The following TTC38 variants were observed in gnomAD, a reference collection of about 807,000 sequenced individuals.
The protein encoded by TTC38 is tetratricopeptide repeat domain 38.
TTC38 carries 64 observed loss-of-function variants against 64.2 expected under a neutral mutation model. The observed-to-expected ratio is 1.00, with a 90% CI of 0.81 to 1.23. The LOEUF is 1.23. TTC38 is among the 50% of genes most tolerant of loss of function. The pLI is 0.00. For missense variants in TTC38, 573 were observed against 615.5 expected (o/e 0.93, Z 0.73); for synonymous variants, 254 against 249.3 (o/e 1.02, Z -0.18).
chr22:46,290,483 C>T (rs1013673965), intron 13 of TTC38, among the ~76,000 whole-genome samples: 1 of 151,180 alleles, frequency 6.6e-6, no homozygotes, highest in African/African-American at 2.5e-5. Flanking sequence ...GGTGGCGTGG[C>T]TGGAGGGTGA....
intron 11 of TTC38, 38 bp downstream of exon 11, chr22:46,288,626 C>G (rs2077589120): frequency 6.2e-7 from 1 of 1,601,840 alleles, no homozygotes; most frequent in African/African-American, 1.3e-5. Flanking sequence ...GGGTCCTCAC[C>G]CTGCCGAGAG....
chr22:46,286,014 C>CGAAAAAAA (rs2077569243), intron 9 of TTC38, among the ~76,000 whole-genome samples: 1 of 73,986 alleles, frequency 1.4e-5, no homozygotes, highest in African/African-American at 5.5e-5. Context: ...GACTCTGTCT[C>CGAAAAAAA]AAAAAAAAAA....
chr22:46,289,349 C>A, intron 11 of TTC38, 53 bp from the exon 12 acceptor site: 1 of 1,582,056 alleles, frequency 6.3e-7, no homozygotes, highest in Non-Finnish European at 8.6e-7. Flanking sequence ...CTCTGCCCTT[C>A]CCGGATGTTC....
chr22:46,289,630 CAA>C, intron 12 of TTC38, 69 bp downstream of exon 12: 1 of 1,526,604 alleles, frequency 6.6e-7, no homozygotes. Context: ...CCGCAGCCCC[CAA>C]GTTTCTCCCA....
At chr22:46,279,999 A>G (rs2147793032) in intron 6 of TTC38, 3 of 400,322 alleles carry the variant, frequency 7.5e-6, no homozygotes, top group East Asian at 7.5e-5. Flanking sequence ...TGCAAGGAGC[A>G]AGAAGTGGTG....
rs929362617 is a variant in TTC38 at position 46,282,313 on chromosome 22, T to C, written c.735+595T>C. ...CGGACATGGGCTGTGCAGGAGGCCT[T>C]GTCAGTCCCTCTTTCCAGGGGAGGC... On this transcript the variant is annotated intron_variant, in intron 7 of 13. Transcript: ENST00000381031. This position sits in a 1 kb window ranked among gnomAD's most constrained non-coding sequence, Gnocchi z 4.4. 1.2e-4 allele frequency among the ~76,000 whole-genome samples: 19 copies of C among 152,154 alleles called. No homozygotes were observed. The highest frequency in any genetic ancestry group is 4.6e-4 in the African/African-American group (19 of 41,432).
At position 46,270,250 on chromosome 22, in the gene TTC38, A is replaced by T. The variant is rs1194763594; in HGVS notation, c.111+1659A>T. ...TGCCAACCCTCCTGTATCTTGTCAAAATGCTTGCGTAGCTTATAGTCTCAG... is the reference window on the plus strand; with the variant it reads ...TGCCAACCCTCCTGTATCTTGTCAATATGCTTGCGTAGCTTATAGTCTCAG... On this transcript the variant is annotated intron_variant, in intron 2 of 13. Coordinates refer to ENST00000381031, the MANE Select transcript of TTC38 (RefSeq NM_017931.4). The surrounding 1 kb of genome is among the most constrained non-coding windows in gnomAD (Gnocchi z 4.7). 6.6e-5 allele frequency among the ~76,000 whole-genome samples: 10 copies of T among 152,084 alleles called. No homozygotes were observed. Among genetic ancestry groups the T allele is most frequent in the African/African-American group, 2.4e-4 (10 of 41,400 alleles).
In TTC38 at chr22:46,275,607, G is replaced by A. The variant is rs1248584937; in HGVS notation, c.539+186G>A. ...TTTCATCCCACCTGTGAATGAGGTA[G>A]TACCATTATGTATCAGTCAGCATGG... is the stretch of plus-strand genomic sequence containing the variant. On this transcript the variant is annotated intron_variant, in intron 5 of 13. Transcript: ENST00000381031. The surrounding 1 kb of genome is among the most constrained non-coding windows in gnomAD (Gnocchi z 4.5). Among the ~76,000 whole-genome samples, 6 of 152,196 alleles carry A rather than the reference G, an allele frequency of 3.9e-5. No individual in the cohort carries two copies. The East Asian group carries it at 1.2e-3, about 29-fold the overall frequency.
chr22:46,275,445 T>G lies in TTC38; in HGVS notation c.539+24T>G, dbSNP rs771021393. On this transcript the variant is annotated intron_variant, in intron 5 of 13. Transcript: ENST00000381031. The surrounding 1 kb of genome is among the most constrained non-coding windows in gnomAD (Gnocchi z 4.5). Reference sequence around the variant, plus strand: ...AGGTATGTGCCAGCTGGAAATCACATTATTTCTGTTTCTTAATCTCTCTTT... The same window carrying G: ...AGGTATGTGCCAGCTGGAAATCACAGTATTTCTGTTTCTTAATCTCTCTTT... The G allele has an allele frequency of 1.9e-6, 3 of 1,595,888 alleles. No individual in the cohort carries two copies. Among genetic ancestry groups the G allele is most frequent in the Admixed American group, 1.8e-5 (1 of 56,988 alleles).
At chr22:46,284,907 A>C (rs144479100) in intron 8 of TTC38, among the ~76,000 whole-genome samples, 2 of 151,974 alleles carry the variant, frequency 1.3e-5, no homozygotes, top group Non-Finnish European at 2.9e-5. Flanking sequence ...GGCTAGAAAG[A>C]AATACATGAA....
At position 46,274,401 on chromosome 22, in the gene TTC38, G is replaced by T. The variant is rs1936963721; in HGVS notation, c.365+332G>T. Among the ~76,000 whole-genome samples, 1 of 152,198 alleles carries T rather than the reference G, an allele frequency of 6.6e-6. No homozygotes were observed. The highest frequency in any genetic ancestry group is 2.1e-4 in the South Asian group (1 of 4,832). On this transcript the variant is annotated intron_variant, in intron 4 of 13. Transcript: ENST00000381031. This position sits in a 1 kb window ranked among gnomAD's most constrained non-coding sequence, Gnocchi z 4.8. ...GGTTAGGGAAGAGAGAAGAAAACAT[G>T]CTTCTTCTAGTGAGAAATAAACAAT...
intron 5 of TTC38, among the ~76,000 whole-genome samples, chr22:46,278,329 G>T (rs866001905): frequency 2.0e-5 from 3 of 152,146 alleles, no homozygotes; most frequent in Non-Finnish European, 4.4e-5. Flanking sequence ...CTCTGCCTTG[G>T]TCTTTACCTG....
At position 46,274,149 on chromosome 22, in the gene TTC38, C is replaced by CCCGTCCCAAGGGCA; in HGVS notation, c.365+80_365+81insCCGTCCCAAGGGCA. 1.2e-6 allele frequency: 1 copy of CCCGTCCCAAGGGCA among 835,812 alleles called. No individual in the cohort carries two copies. Among genetic ancestry groups the CCCGTCCCAAGGGCA allele is most frequent in the Non-Finnish European group, 1.8e-6 (1 of 541,464 alleles). The allele number at this position is 835,812 out of a possible 1,614,324, so 51.8% of individuals were successfully genotyped here. On this transcript the variant is annotated intron_variant, in intron 4 of 13. Transcript: ENST00000381031. The surrounding 1 kb of genome is among the most constrained non-coding windows in gnomAD (Gnocchi z 4.8). ...GGCAGGGTATCCCTTTCCTGATGCC[C>CCCGTCCCAAGGGCA]TTGGGACGGGGGCGGGGTGGGAGAA... is the stretch of plus-strand genomic sequence containing the variant.
chr22:46,290,535 G>C (rs2077606931), intron 13 of TTC38, among the ~76,000 whole-genome samples: 1 of 148,006 alleles, frequency 6.8e-6, no homozygotes, highest in Non-Finnish European at 1.5e-5. Flanking sequence ...TGTTAGGGCA[G>C]CGTGGCTGGA....
Position 46,292,829 on chromosome 22 carries a change from C to T in TTC38, c.1355C>T (p.Ser452Leu), listed in dbSNP as rs775541278. The change falls in exon 14 of 14, where the codon TCG becomes TTG. Residue 452 changes from serine to leucine, a missense_variant. This residue lies in a region of TTC38 where 371 missense variants were observed against 381.8 expected (regional missense o/e 0.97). Transcript: ENST00000381031. The surrounding 1 kb of genome is among the most constrained non-coding windows in gnomAD (Gnocchi z 6.5). ...LMERDALKPN[S>L]PLTERLIRKA... is the part of the protein sequence containing the mutation. ...GAGCGTGATGCCTTGAAGCCCAACT[C>T]GCCCCTGACCGAGCGGCTCATCCGC... 14 of 1,614,102 alleles carry T rather than the reference C, an allele frequency of 8.7e-6. No individual in the cohort carries two copies. Among genetic ancestry groups the T allele is most frequent in the African/African-American group, 5.3e-5 (4 of 75,072 alleles).
Position 46,275,368 on chromosome 22 carries a change from A to G in TTC38, c.486A>G (p.Arg162=), listed in dbSNP as rs754288342. 39 of 1,613,936 alleles carry G rather than the reference A, an allele frequency of 2.4e-5. No homozygotes were observed. The highest frequency in any genetic ancestry group is 3.3e-4 in the Middle Eastern group (2 of 6,084). ...YFYLGYQEQM[R]DSVARIYPFW... The stretch of plus-strand genomic sequence containing the variant: ...ACCTGGGCTATCAGGAACAGATGAG[A>G]GATTCTGTTGCTCGAATTTACCCCT... The change falls in exon 5 of 14, where the codon AGA becomes AGG. Residue 162 remains arginine (R), a synonymous_variant. Transcript: ENST00000381031. This position sits in a 1 kb window ranked among gnomAD's most constrained non-coding sequence, Gnocchi z 4.5.
At position 46,274,125 on chromosome 22, in the gene TTC38, G is replaced by T. The variant is rs576796552; in HGVS notation, c.365+56G>T. 1.1e-5 allele frequency: 17 copies of T among 1,529,704 alleles called. No individual in the cohort carries two copies. Among genetic ancestry groups the T allele is most frequent in the African/African-American group, 9.6e-5 (7 of 72,902 alleles). 94.8% of individuals were successfully genotyped at this position (1,529,704 alleles called of 1,614,324 possible). A position where few individuals can be genotyped will look rare whatever the true frequency, so the allele number is the denominator to read the frequency against. On this transcript the variant is annotated intron_variant, in intron 4 of 13. Coordinates refer to ENST00000381031, the MANE Select transcript of TTC38 (RefSeq NM_017931.4). The surrounding 1 kb of genome is among the most constrained non-coding windows in gnomAD (Gnocchi z 4.8). ...ACCCTGAGGCTGAGCTGGGGGAGTG[G>T]CAGGGTATCCCTTTCCTGATGCCCT...
At chr22:46,268,661 GC>G in intron 2 of TTC38, 70 bp downstream of exon 2, 1 of 1,464,956 alleles carries the variant, frequency 6.8e-7, no homozygotes, top group Non-Finnish European at 9.4e-7. Context: ...ATTGGGGAAA[GC>G]TGTTTTTTTG....
In TTC38 at chr22:46,274,845, T is replaced by C. The variant is rs913971224; in HGVS notation, c.366-403T>C. Among the ~76,000 whole-genome samples, 1 of 152,188 alleles carries C rather than the reference T, an allele frequency of 6.6e-6. No homozygotes were observed. The highest frequency in any genetic ancestry group is 1.5e-5 in the Non-Finnish European group (1 of 68,038). On this transcript the variant is annotated intron_variant, in intron 4 of 13. Transcript: ENST00000381031. This position sits in a 1 kb window ranked among gnomAD's most constrained non-coding sequence, Gnocchi z 4.8. ...AAAGTGATTTTTTTACATTTATTTA[T>C]TTAGAGTTTTGCTCTTGTCGCCCAG...
Sources: allele counts gnomAD v4.1 joint callset (sites outside exome capture counted in the v4.1 genomes callset), GRCh38; gene constraint gnomAD v4.1.1; regional missense constraint gnomAD v4.1.1; non-coding constraint Gnocchi (gnomAD v3.1); transcripts MANE v1.5; gene names NCBI Gene and HGNC (gene_info 2026-07-23, HGNC 2026-07-21).